KLHL32: variants seen among roughly 807,000 people sequenced by gnomAD.
KLHL32 encodes kelch-like protein 32.
Under a neutral mutation model 64.8 loss-of-function variants are expected in KLHL32, and 35 were observed. The ratio of observed to expected loss-of-function variants is 0.54; its 90% CI spans 0.41 to 0.72. The LOEUF is 0.72. Among genes scored for constraint, KLHL32 ranks in the 30% least tolerant of loss-of-function variants. The pLI is 0.00. For synonymous variants in KLHL32, 259 were observed against 281.0 expected (o/e 0.92, Z 0.78); for missense variants, 589 against 768.5 (o/e 0.77, Z 2.76).
rs988861180 is a variant in KLHL32, at chr6:97,139,994, T to C, written c.*712T>C. The C allele has an allele frequency of 2.6e-5, 4 of 152,154 alleles. No homozygotes were observed. Among genetic ancestry groups the C allele is most frequent in the Admixed American group, 2.0e-4 (3 of 15,276 alleles). The allele number at this position is 152,154 out of a possible 1,614,324, so 9.4% of individuals were successfully genotyped here. On this transcript the variant is annotated 3_prime_UTR_variant, in exon 11 of 11. Transcript: ENST00000369261. ...TGAGGATTAGGCGAACACTTTGTAA[T>C]ACTTTGCCCAAGAAAAAGAAAAATG...
chr6:96,922,294 C>T (rs1006473668), upstream of KLHL32, among the ~76,000 whole-genome samples: 3 of 152,160 alleles, frequency 2.0e-5, no homozygotes, highest in African/African-American at 7.2e-5. Context: ...CCCATTTCAG[C>T]AATGGAAGAC....
chr6:96,925,094 C>G (rs1162125849), intron 1 of KLHL32, 68 bp downstream of exon 1: 1 of 152,402 alleles, frequency 6.6e-6, no homozygotes, highest in African/African-American at 2.4e-5. Context: ...GCTGCTGGTG[C>G]GCCAAGTGGG....
intron 6 of KLHL32, among the ~76,000 whole-genome samples, chr6:97,089,795 AG>A (rs1192436655): frequency 6.8e-6 from 1 of 148,134 alleles, no homozygotes; most frequent in African/African-American, 2.5e-5. Flanking sequence ...AAAAAAAAAA[AG>A]AACAGTACTT....
intron 3 of KLHL32, among the ~76,000 whole-genome samples, chr6:97,003,668 T>G (rs1012046515): frequency 3.3e-5 from 5 of 152,162 alleles, no homozygotes; most frequent in Admixed American, 2.6e-4. Flanking sequence ...ATTTTTTGTA[T>G]ATACTGTAAG....
chr6:97,129,317 A>AT (rs1181813794), intron 8 of KLHL32, among the ~76,000 whole-genome samples: 1 of 152,002 alleles, frequency 6.6e-6, no homozygotes, highest in Non-Finnish European at 1.5e-5. Context: ...CGAAATCCAA[A>AT]TTTTTCTTGG....
intron 3 of KLHL32, among the ~76,000 whole-genome samples, chr6:97,022,248 T>TC (rs1460464506): frequency 2.0e-5 from 3 of 150,770 alleles, no homozygotes; most frequent in Non-Finnish European, 4.4e-5. Context: ...TCATCTGTCA[T>TC]CCCTCCTACA....
chr6:97,076,535 TTTC>T (rs1791611995), intron 5 of KLHL32, among the ~76,000 whole-genome samples: 2 of 152,332 alleles, frequency 1.3e-5, no homozygotes, highest in South Asian at 4.1e-4. Context: ...ATCATGTGTT[TTTC>T]CTACAGCTCT....
chr6:96,987,820 T>C (rs563735541), intron 3 of KLHL32, among the ~76,000 whole-genome samples: 10 of 152,208 alleles, frequency 6.6e-5, no homozygotes, highest in Non-Finnish European at 1.5e-4. Flanking sequence ...CCATCTGATC[T>C]TTGACAAACC....
the KLHL32 span, among the ~76,000 whole-genome samples, chr6:96,906,127 A>G: frequency 6.6e-6 from 1 of 152,290 alleles, no homozygotes; most frequent in South Asian, 2.1e-4. Context: ...TGGATGTGAC[A>G]CTGTTAGGTG....
At chr6:97,058,696 G>A (rs1038961418) in intron 4 of KLHL32, among the ~76,000 whole-genome samples, 4 of 152,138 alleles carry the variant, frequency 2.6e-5, no homozygotes, top group African/African-American at 9.7e-5. Flanking sequence ...GCTGGCAAAT[G>A]TTTTTTGTTC....
the KLHL32 span, among the ~76,000 whole-genome samples, chr6:96,918,430 T>C: frequency 6.6e-6 from 1 of 152,244 alleles, no homozygotes; most frequent in South Asian, 2.1e-4. Context: ...AATGAATGGA[T>C]GATTTTAGTG....
chr6:97,071,322 A>T (rs1790676141), intron 5 of KLHL32, among the ~76,000 whole-genome samples: 1 of 151,476 alleles, frequency 6.6e-6, no homozygotes, highest in African/African-American at 2.4e-5. Context: ...CAGCATTTAA[A>T]CACCGGGAGC....
intron 4 of KLHL32, among the ~76,000 whole-genome samples, chr6:97,043,517 G>A (rs1018278711): frequency 2.0e-5 from 3 of 152,184 alleles, no homozygotes; most frequent in Non-Finnish European, 4.4e-5. Flanking sequence ...TAATGCTGCA[G>A]TGAACATGGG....
intron 1 of KLHL32, among the ~76,000 whole-genome samples, chr6:96,964,339 G>A (rs1774196839): frequency 6.6e-6 from 1 of 152,172 alleles, no homozygotes; most frequent in South Asian, 2.1e-4. Flanking sequence ...CTCTATTTAT[G>A]GTGAGAGAAA....
chr6:97,091,410 C>A (rs1206478214), intron 6 of KLHL32, among the ~76,000 whole-genome samples: 1 of 152,196 alleles, frequency 6.6e-6, no homozygotes, highest in Non-Finnish European at 1.5e-5. Context: ...AGTGCCTGCT[C>A]TACCCAGCCA....
Position 97,114,088 on chromosome 6 carries a change from T to A in KLHL32, c.933T>A (p.Asn311Lys), listed in dbSNP as rs760738353. ...VCKVKELRYF[N>K]PVDQENALIA... ...AGGTCAAGGAACTTCGGTACTTCAA[T>A]CCTGTTGATCAGGAGAATGCTCTCA... Residue 311 changes from asparagine to lysine, a missense_variant, in exon 7 of 11, where the codon AAT (asparagine) becomes AAA (lysine). This residue lies in a region of KLHL32 where 226 missense variants were observed against 353.2 expected (regional missense o/e 0.64). Transcript: ENST00000369261. The A allele has an allele frequency of 9.9e-6, 16 of 1,614,222 alleles. No individual in the cohort carries two copies. The highest frequency in any genetic ancestry group is 1.4e-5 in the Non-Finnish European group (16 of 1,180,034).
upstream of KLHL32, among the ~76,000 whole-genome samples, chr6:96,922,936 A>G (rs1266768795): frequency 6.6e-6 from 1 of 152,162 alleles, no homozygotes; most frequent in East Asian, 1.9e-4. Context: ...TGAACTAGAC[A>G]TTTTACTAGG....
At chr6:97,060,495 C>T (rs535020472) in intron 4 of KLHL32, among the ~76,000 whole-genome samples, 23 of 152,294 alleles carry the variant, frequency 1.5e-4, no homozygotes, top group Admixed American at 5.9e-4. Context: ...GGTGTGGGCA[C>T]TGACTGAGGT....
intron 1 of KLHL32, among the ~76,000 whole-genome samples, chr6:96,931,049 G>A (rs147066340): frequency 6.6e-6 from 1 of 152,212 alleles, no homozygotes; most frequent in East Asian, 1.9e-4. Context: ...ACAACTAGAA[G>A]TTTCCCTTCA....
Sources: allele counts gnomAD v4.1 joint callset (sites outside exome capture counted in the v4.1 genomes callset), GRCh38; gene constraint gnomAD v4.1.1; regional missense constraint gnomAD v4.1.1; transcripts MANE v1.5; gene names NCBI Gene and HGNC (gene_info 2026-07-23, HGNC 2026-07-21).